The following MIPEP variants were observed in gnomAD, a reference collection of about 807,000 sequenced individuals.
The protein encoded by MIPEP is mitochondrial intermediate peptidase.
Under a neutral mutation model 90.3 loss-of-function variants are expected in MIPEP, and 79 were observed. That is an observed-to-expected ratio of 0.87 (90% CI 0.73 to 1.05). MIPEP has a LOEUF of 1.05. Ranked by LOEUF, MIPEP falls within the 50% of genes least tolerant of loss-of-function variation. The pLI is 0.00. For synonymous variants in MIPEP, 334 were observed against 315.8 expected (o/e 1.06, Z -0.61); for missense variants, 940 against 905.6 (o/e 1.04, Z -0.49).
At chr13:23,888,744 G>A (rs1177098402) in intron 1 of MIPEP, 1 of 1,023,054 alleles carries the variant, frequency 9.8e-7, no homozygotes, top group Non-Finnish European at 1.2e-6. Flanking sequence ...TGAACGCACA[G>A]GGATAGGCCT....
intron 14 of MIPEP, among the ~76,000 whole-genome samples, chr13:23,811,954 CTGTT>C (rs992707257): frequency 5.3e-5 from 8 of 152,106 alleles, no homozygotes; most frequent in African/African-American, 1.4e-4. Context: ...TATGATTAAA[CTGTT>C]TGTTGCAACA....
At chr13:23,868,336 G>GA (rs1870631150) in intron 7 of MIPEP, among the ~76,000 whole-genome samples, 1 of 152,300 alleles carries the variant, frequency 6.6e-6, no homozygotes, top group South Asian at 2.1e-4. Flanking sequence ...TAGCTTAACC[G>GA]AGAGCCCTGA....
intron 15 of MIPEP, among the ~76,000 whole-genome samples, chr13:23,808,423 T>C (rs556029910): frequency 3.9e-5 from 6 of 152,200 alleles, no homozygotes; most frequent in Admixed American, 1.3e-4. Flanking sequence ...TATGTCCCCA[T>C]AGAAAGTTGA....
At chr13:23,779,274 G>T (rs1273698216) in intron 16 of MIPEP, among the ~76,000 whole-genome samples, 1 of 152,188 alleles carries the variant, frequency 6.6e-6, no homozygotes, top group East Asian at 1.9e-4. Context: ...TGATGTGTAT[G>T]TAGAAAACCC....
chr13:23,786,297 A>G (rs1309386486), intron 16 of MIPEP, among the ~76,000 whole-genome samples: 1 of 152,232 alleles, frequency 6.6e-6, no homozygotes, highest in African/African-American at 2.4e-5. Context: ...TTACATAATT[A>G]AAGATTTAAT....
chr13:23,881,686 G>A lies in MIPEP; in HGVS notation c.452+13C>T. ...GGACTTGGCATGGAGGTGGGGAGGG[G>A]AACAGCACATACTTCTCTACCATGG... On this transcript the variant is annotated intron_variant, in intron 3 of 18. Transcript: ENST00000382172. The A allele has an allele frequency of 4.4e-6, 7 of 1,605,190 alleles. No individual in the cohort carries two copies. The East Asian group carries it at 8.9e-5, about 20-fold the overall frequency.
intron 10 of MIPEP, among the ~76,000 whole-genome samples, chr13:23,845,091 C>T (rs1869473702): frequency 6.6e-6 from 1 of 152,162 alleles, no homozygotes; most frequent in African/African-American, 2.4e-5. Context: ...TATAAACCTA[C>T]TTTGGCACAA....
chr13:23,850,850 GC>G (rs375375577), intron 10 of MIPEP, among the ~76,000 whole-genome samples: 317 of 152,360 alleles, frequency 2.1e-3, no homozygotes, highest in African/African-American at 7.4e-3. Flanking sequence ...CCTATGTGCT[GC>G]CTCTTGCTTT....
chr13:23,838,295 C>T (rs1298053208), intron 12 of MIPEP, among the ~76,000 whole-genome samples: 2 of 152,158 alleles, frequency 1.3e-5, no homozygotes, highest in African/African-American at 4.8e-5. Flanking sequence ...AGGTGTGCTC[C>T]ACCACACCCA....
intron 16 of MIPEP, among the ~76,000 whole-genome samples, chr13:23,764,060 C>T (rs1489690251): frequency 6.6e-6 from 1 of 152,190 alleles, no homozygotes; most frequent in Non-Finnish European, 1.5e-5. Context: ...TTTTCTTCTT[C>T]CTAAGGGATA....
At chr13:23,738,125 A>G (rs1247005959) in intron 18 of MIPEP, among the ~76,000 whole-genome samples, 2 of 152,172 alleles carry the variant, frequency 1.3e-5, no homozygotes, top group Non-Finnish European at 2.9e-5. Context: ...TAAATGCCTA[A>G]TGTGAATTTC....
chr13:23,736,267 A>G (rs1459450744), intron 18 of MIPEP, among the ~76,000 whole-genome samples: 4 of 152,240 alleles, frequency 2.6e-5, no homozygotes, highest in Non-Finnish European at 5.9e-5. Flanking sequence ...CAATAGCAAT[A>G]TAAGAAAGAC....
At chr13:23,852,721 C>G (rs1869851500) in intron 10 of MIPEP, among the ~76,000 whole-genome samples, 1 of 152,184 alleles carries the variant, frequency 6.6e-6, no homozygotes, top group Non-Finnish European at 1.5e-5. Flanking sequence ...TTTTGGTGTA[C>G]TCCTTCTAAG....
At chr13:23,861,601 G>A (rs1870308007) in intron 9 of MIPEP, among the ~76,000 whole-genome samples, 2 of 152,132 alleles carry the variant, frequency 1.3e-5, no homozygotes, top group African/African-American at 4.8e-5. Context: ...TATGACTATG[G>A]CTCTGGCAGC....
At chr13:23,852,710 A>G (rs1869849675) in intron 10 of MIPEP, among the ~76,000 whole-genome samples, 1 of 152,200 alleles carries the variant, frequency 6.6e-6, no homozygotes, top group Non-Finnish European at 1.5e-5. Flanking sequence ...TTCTATCACT[A>G]TTTTGGTGTA....
At chr13:23,841,591 A>G (rs1013829083) in intron 10 of MIPEP, 103 bp from the exon 11 acceptor site, 8 of 1,258,794 alleles carry the variant, frequency 6.4e-6, no homozygotes, top group Non-Finnish European at 8.8e-6. Flanking sequence ...CTGGAGCTAA[A>G]GAAGGATTCA....
chr13:23,751,471 T>C (rs1952439974), intron 18 of MIPEP, among the ~76,000 whole-genome samples: 2 of 152,252 alleles, frequency 1.3e-5, no homozygotes, highest in South Asian at 2.1e-4. Context: ...CCATCTGATC[T>C]GATGTTTGGT....
chr13:23,803,604 G>A (rs1175073200), intron 16 of MIPEP, among the ~76,000 whole-genome samples: 1 of 152,020 alleles, frequency 6.6e-6, no homozygotes, highest in Non-Finnish European at 1.5e-5. Flanking sequence ...CTATATTTGA[G>A]AGTCTATTAA....
intron 18 of MIPEP, among the ~76,000 whole-genome samples, chr13:23,740,230 C>T (rs963698389): frequency 3.9e-4 from 60 of 152,308 alleles, no homozygotes; most frequent in African/African-American, 1.4e-3. Flanking sequence ...GCTCTCCCTG[C>T]CCCTGGCTCA....
Sources: allele counts gnomAD v4.1 joint callset (sites outside exome capture counted in the v4.1 genomes callset), GRCh38; gene constraint gnomAD v4.1.1; transcripts MANE v1.5; gene names NCBI Gene and HGNC (gene_info 2026-07-23, HGNC 2026-07-21).